The following UNC5C variants were observed in gnomAD, a reference collection of about 807,000 sequenced individuals.
The protein encoded by UNC5C is unc-5 netrin receptor C.
In UNC5C, 47 loss-of-function variants were observed where a neutral mutation model predicts 99.8. The ratio of observed to expected loss-of-function variants is 0.47; its 90% CI spans 0.37 to 0.60. The LOEUF is 0.60. Ranked by LOEUF, UNC5C falls within the 20% of genes least tolerant of loss-of-function variation. UNC5C has a pLI of 0.00. For missense variants in UNC5C, 1,062 were observed against 1,165.9 expected, an observed-to-expected ratio of 0.91 and a Z score of 1.30; for synonymous variants, 487 against 452.2, an observed-to-expected ratio of 1.08 and a Z score of -0.98.
At chr4:95,448,531 A>G (rs79816462) in intron 1 of UNC5C, among the ~76,000 whole-genome samples, 1,987 of 152,276 alleles carry the variant, frequency 0.013, 23 homozygotes, top group Non-Finnish European at 0.021. Context: ...GGATCGAGTT[A>G]AGGAAAGATA....
chr4:95,363,933 C>T (rs1018718825), intron 1 of UNC5C, among the ~76,000 whole-genome samples: 8 of 152,126 alleles, frequency 5.3e-5, no homozygotes, highest in Non-Finnish European at 1.0e-4. Flanking sequence ...CAATTGAAAA[C>T]CTCATTTGAA....
intron 14 of UNC5C, among the ~76,000 whole-genome samples, chr4:95,179,401 A>ATATAAAACTTAAT (rs1349051340): frequency 6.6e-6 from 1 of 152,254 alleles, no homozygotes; most frequent in African/African-American, 2.4e-5. Context: ...GATCTAGCAA[A>ATATAAAACTTAAT]TATAAAACTT....
chr4:95,396,175 C>T (rs1224055565), intron 1 of UNC5C, among the ~76,000 whole-genome samples: 1 of 152,144 alleles, frequency 6.6e-6, no homozygotes, highest in African/African-American at 2.4e-5. Context: ...GAGAGAGATT[C>T]TGCTGTGTAG....
intron 1 of UNC5C, among the ~76,000 whole-genome samples, chr4:95,475,948 C>T (rs1245193613): frequency 6.6e-6 from 1 of 152,058 alleles, no homozygotes; most frequent in Non-Finnish European, 1.5e-5. Flanking sequence ...ACACATTATG[C>T]TTACCTGCAT....
At chr4:95,187,915 A>T (rs566374437) in intron 12 of UNC5C, among the ~76,000 whole-genome samples, 1 of 152,324 alleles carries the variant, frequency 6.6e-6, no homozygotes, top group East Asian at 1.9e-4. Context: ...GCCCATCAGG[A>T]CACACCCATG....
At chr4:95,305,257 C>T (rs985376425) in intron 2 of UNC5C, among the ~76,000 whole-genome samples, 4 of 152,096 alleles carry the variant, frequency 2.6e-5, no homozygotes, top group East Asian at 1.9e-4. Flanking sequence ...AGAAGAATTC[C>T]GTAGAATTGA....
At chr4:95,470,552 G>A (rs1320653971) in intron 1 of UNC5C, among the ~76,000 whole-genome samples, 1 of 151,932 alleles carries the variant, frequency 6.6e-6, no homozygotes. Context: ...TGGGGGAGAG[G>A]GGCAGGTAGT....
chr4:95,220,590 A>G (rs562764966), intron 7 of UNC5C, among the ~76,000 whole-genome samples: 65 of 152,326 alleles, frequency 4.3e-4, no homozygotes, highest in African/African-American at 1.5e-3. Context: ...GCATGTTTTA[A>G]ATCTGCATAT....
chr4:95,186,262 T>C (rs572351100), intron 12 of UNC5C, among the ~76,000 whole-genome samples: 3 of 152,294 alleles, frequency 2.0e-5, no homozygotes, highest in East Asian at 3.9e-4. Flanking sequence ...CAAAATATAA[T>C]TTTTTCTTTG....
At chr4:95,399,259 A>G (rs566272381) in intron 1 of UNC5C, among the ~76,000 whole-genome samples, 2 of 152,184 alleles carry the variant, frequency 1.3e-5, no homozygotes, top group Non-Finnish European at 2.9e-5. Flanking sequence ...TAACTAAGAC[A>G]TGATTAAATA....
At chr4:95,411,831 C>T (rs1326286836) in intron 1 of UNC5C, among the ~76,000 whole-genome samples, 13 of 152,156 alleles carry the variant, frequency 8.5e-5, no homozygotes, top group African/African-American at 3.1e-4. Context: ...TGTGTTCCCT[C>T]CAACCGGCCC....
At chr4:95,388,152 A>G (rs917248956) in intron 1 of UNC5C, among the ~76,000 whole-genome samples, 1 of 152,220 alleles carries the variant, frequency 6.6e-6, no homozygotes, top group Non-Finnish European at 1.5e-5. Flanking sequence ...TGTAAATTAA[A>G]AAACAACCAC....
intron 7 of UNC5C, among the ~76,000 whole-genome samples, chr4:95,223,757 A>G (rs923461431): frequency 3.9e-5 from 6 of 152,184 alleles, no homozygotes; most frequent in African/African-American, 1.2e-4. Context: ...TGTGAACTCA[A>G]TAAAAGGACA....
chr4:95,227,462 A>G (rs1320513856), intron 7 of UNC5C, among the ~76,000 whole-genome samples: 1 of 152,174 alleles, frequency 6.6e-6, no homozygotes, highest in Non-Finnish European at 1.5e-5. Context: ...TGTAACTTGT[A>G]TTTTTAAAGA....
chr4:95,166,671 A>G lies in UNC5C; in HGVS notation c.*2563T>C, dbSNP rs1029913806. On this transcript the variant is annotated 3_prime_UTR_variant, in exon 16 of 16. Transcript: ENST00000453304. Reference sequence around the variant, plus strand: ...ACTAGGCATAGAAGTTTCTTTGACCATTCAGTTCAGATTCTAGTTCTTGAT... The same window carrying G: ...ACTAGGCATAGAAGTTTCTTTGACCGTTCAGTTCAGATTCTAGTTCTTGAT... 19 of 152,208 alleles carry G rather than the reference A, an allele frequency of 1.2e-4. No individual in the cohort carries two copies. Among genetic ancestry groups the G allele is most frequent in the African/African-American group, 4.6e-4 (19 of 41,458 alleles). 9.4% of individuals were successfully genotyped at this position (152,208 alleles called of 1,614,324 possible).
At chr4:95,511,935 G>A (rs541520392) in intron 1 of UNC5C, among the ~76,000 whole-genome samples, 1 of 152,274 alleles carries the variant, frequency 6.6e-6, no homozygotes, top group Admixed American at 6.5e-5. Flanking sequence ...AGGTTGCTTT[G>A]TTCAGATCAT....
intron 1 of UNC5C, among the ~76,000 whole-genome samples, chr4:95,455,617 G>A (rs1006725625): frequency 4.6e-5 from 7 of 152,042 alleles, no homozygotes; most frequent in East Asian, 1.9e-4. Flanking sequence ...GACAGGGCAA[G>A]ACTCTGTCTC....
intron 2 of UNC5C, among the ~76,000 whole-genome samples, chr4:95,329,611 G>A (rs1388264431): frequency 1.3e-5 from 2 of 152,118 alleles, no homozygotes; most frequent in Admixed American, 1.3e-4. Flanking sequence ...TGCTGTTCCT[G>A]TATCTTGTTA....
At chr4:95,514,746 C>T (rs1355884410) in intron 1 of UNC5C, among the ~76,000 whole-genome samples, 1 of 151,672 alleles carries the variant, frequency 6.6e-6, no homozygotes, top group Non-Finnish European at 1.5e-5. Context: ...GATCTTGGCT[C>T]ACTGCAACCT....
Sources: gnomAD v4.1 joint callset for allele counts (sites outside exome capture counted in the v4.1 genomes callset) on GRCh38, gnomAD v4.1.1 for gene constraint, MANE v1.5 for transcripts, NCBI Gene and HGNC (gene_info 2026-07-23, HGNC 2026-07-21) for gene names.